Variants in STXBP5L observed in about 807,000 individuals in gnomAD.
STXBP5L encodes syntaxin binding protein 5L, also known as syntaxin-binding protein 5-like.
In STXBP5L, 65 loss-of-function variants were observed where a neutral mutation model predicts 144.5. That is an observed-to-expected ratio of 0.45 (90% CI 0.37 to 0.55). The LOEUF is 0.55. Ranked by LOEUF, STXBP5L falls within the 20% of genes least tolerant of loss-of-function variation. The pLI is 0.00. For missense variants in STXBP5L, 1,298 were observed against 1,405.5 expected (o/e 0.92, Z 1.22); for synonymous variants, 505 against 469.6 (o/e 1.08, Z -0.97).
intron 9 of STXBP5L, among the ~76,000 whole-genome samples, chr3:121,174,589 C>G (rs1449340153): frequency 6.6e-6 from 1 of 152,056 alleles, no homozygotes; most frequent in Non-Finnish European, 1.5e-5. Context: ...GGGCGGACAC[C>G]CTTGGAGGCC....
At chr3:121,128,666 C>T (rs2044828746) in intron 7 of STXBP5L, among the ~76,000 whole-genome samples, 1 of 151,900 alleles carries the variant, frequency 6.6e-6, no homozygotes, top group South Asian at 2.1e-4. Context: ...GCTGGAGTGG[C>T]AATGCAGGAA....
At chr3:121,300,360 T>C (rs2051841300) in intron 19 of STXBP5L, among the ~76,000 whole-genome samples, 1 of 152,122 alleles carries the variant, frequency 6.6e-6, no homozygotes, top group South Asian at 2.1e-4. Flanking sequence ...CTGGAAATAA[T>C]AAATATGTGG....
intron 19 of STXBP5L, among the ~76,000 whole-genome samples, chr3:121,316,050 T>A (rs939723723): frequency 6.6e-6 from 1 of 152,084 alleles, no homozygotes; most frequent in African/African-American, 2.4e-5. Context: ...AAATTGTGTA[T>A]TTTTTAATCC....
At chr3:120,963,286 GCC>G (rs1576501585) in intron 3 of STXBP5L, among the ~76,000 whole-genome samples, 1 of 152,030 alleles carries the variant, frequency 6.6e-6, no homozygotes, top group African/African-American at 2.4e-5. Flanking sequence ...TTGTTTGATT[GCC>G]CTGGCCAGAA....
At chr3:121,154,892 A>G (rs2046060162) in intron 8 of STXBP5L, among the ~76,000 whole-genome samples, 1 of 151,848 alleles carries the variant, frequency 6.6e-6, no homozygotes, top group Non-Finnish European at 1.5e-5. Flanking sequence ...ATCGTGTTGT[A>G]TATGCAATCA....
chr3:121,193,276 C>T (rs1211480821), intron 9 of STXBP5L, among the ~76,000 whole-genome samples: 6 of 142,812 alleles, frequency 4.2e-5, no homozygotes, highest in African/African-American at 1.3e-4. Context: ...AGTGAGATAT[C>T]GTCTCACACC....
intron 9 of STXBP5L, among the ~76,000 whole-genome samples, chr3:121,175,334 G>A (rs1405302860): frequency 6.6e-6 from 1 of 151,962 alleles, no homozygotes; most frequent in Non-Finnish European, 1.5e-5. Flanking sequence ...CTACTGGCTA[G>A]ATTAATGCTA....
At chr3:121,058,924 C>T (rs1453879327) in intron 5 of STXBP5L, among the ~76,000 whole-genome samples, 2 of 152,130 alleles carry the variant, frequency 1.3e-5, no homozygotes, top group Non-Finnish European at 2.9e-5. Flanking sequence ...CTGTGGGTTG[C>T]CTGTTCACTC....
chr3:121,227,118 A>G (rs993713346), intron 11 of STXBP5L, among the ~76,000 whole-genome samples: 4 of 152,190 alleles, frequency 2.6e-5, no homozygotes, highest in Non-Finnish European at 5.9e-5. Flanking sequence ...TAAGGAATCA[A>G]GTAGGGAGAA....
intron 7 of STXBP5L, among the ~76,000 whole-genome samples, chr3:121,135,054 T>G (rs561499920): frequency 5.9e-5 from 9 of 152,306 alleles, no homozygotes; most frequent in African/African-American, 1.7e-4. Context: ...TCTCCACATC[T>G]TCTCCAGCAC....
At chr3:121,299,672 C>T (rs2051807846) in intron 19 of STXBP5L, among the ~76,000 whole-genome samples, 1 of 151,904 alleles carries the variant, frequency 6.6e-6, no homozygotes, top group Non-Finnish European at 1.5e-5. Context: ...ATCCAGGAAG[C>T]TCAAAACACC....
chr3:120,908,467 G>T, intron 1 of STXBP5L, 133 bp downstream of exon 1: 1 of 157,476 alleles, frequency 6.4e-6, no homozygotes, highest in East Asian at 1.9e-4. Flanking sequence ...GAGAGACAGA[G>T]AGAGACAGAG....
intron 9 of STXBP5L, among the ~76,000 whole-genome samples, chr3:121,195,137 G>A (rs1044476069): frequency 3.0e-4 from 45 of 151,718 alleles, no homozygotes; most frequent in African/African-American, 1.0e-3. Context: ...TGTTGGCCAG[G>A]ATGGTCTCGA....
intron 7 of STXBP5L, among the ~76,000 whole-genome samples, chr3:121,147,412 A>G (rs1182442203): frequency 7.2e-5 from 11 of 152,106 alleles, no homozygotes; most frequent in Non-Finnish European, 1.5e-4. Flanking sequence ...TTTTAAACAA[A>G]ATTGCAATAA....
chr3:121,367,575 T>G (rs1359942105), intron 20 of STXBP5L, among the ~76,000 whole-genome samples: 5 of 149,604 alleles, frequency 3.3e-5, no homozygotes, highest in Non-Finnish European at 7.4e-5. Flanking sequence ...TTCAAGGTTC[T>G]CTCTTTGTCT....
chr3:121,328,416 G>C (rs2044218587), intron 20 of STXBP5L, among the ~76,000 whole-genome samples: 1 of 152,134 alleles, frequency 6.6e-6, no homozygotes, highest in South Asian at 2.1e-4. Context: ...GCAGATGGTT[G>C]AGTCATGATT....
chr3:121,071,917 AG>A (rs1279877389), intron 5 of STXBP5L, among the ~76,000 whole-genome samples: 1 of 152,222 alleles, frequency 6.6e-6, no homozygotes, highest in Non-Finnish European at 1.5e-5. Flanking sequence ...GGCTCAGAGA[AG>A]GACCATGGGC....
intron 5 of STXBP5L, among the ~76,000 whole-genome samples, chr3:121,077,941 T>C (rs908202778): frequency 4.3e-5 from 6 of 138,024 alleles, no homozygotes; most frequent in South Asian, 4.7e-4. Context: ...TAGCTAGACA[T>C]AAAGATTCTC....
At chr3:120,926,795 T>G (rs1293259650) in intron 2 of STXBP5L, among the ~76,000 whole-genome samples, 1 of 152,190 alleles carries the variant, frequency 6.6e-6, no homozygotes, top group Non-Finnish European at 1.5e-5. Context: ...ATCCTTCCCC[T>G]GCTTCATACA....
Sources: allele counts gnomAD v4.1 joint callset (sites outside exome capture counted in the v4.1 genomes callset), GRCh38; gene constraint gnomAD v4.1.1; transcripts MANE v1.5; gene names NCBI Gene and HGNC (gene_info 2026-07-23, HGNC 2026-07-21).